CDH12: variants seen among roughly 807,000 people sequenced by gnomAD.
The protein encoded by CDH12 is cadherin-12.
In CDH12, 41 loss-of-function variants were observed where a neutral mutation model predicts 74.1. The observed-to-expected ratio is 0.55, with a 90% CI of 0.43 to 0.72. The LOEUF (loss-of-function observed/expected upper bound fraction) is 0.72. CDH12 is among the 30% of genes least tolerant of loss of function. The pLI, the probability that CDH12 is intolerant of heterozygous loss-of-function variation, is 0.00. For missense variants in CDH12, 945 were observed against 977.2 expected (o/e 0.97, Z 0.44); for synonymous variants, 399 against 355.0 (o/e 1.12, Z -1.39).
At chr5:22,095,531 G>A (rs1393264890) in intron 4 of CDH12, among the ~76,000 whole-genome samples, 1 of 151,900 alleles carries the variant, frequency 6.6e-6, no homozygotes, top group African/African-American at 2.4e-5. Flanking sequence ...TGCTTTTCTG[G>A]GAGGCAAGAA....
At position 21,883,654 on chromosome 5, in the gene CDH12, C is replaced by T; in HGVS notation, c.527-28864G>A. ...GAGGTCATTGTGACCAAAGACGATG[C>T]CATGCTCTTAAAAGGAAAAGGTGAC... On this transcript the variant is annotated intron_variant, in intron 6 of 14. Coordinates refer to ENST00000382254, the MANE Select transcript of CDH12 (RefSeq NM_004061.5). The T allele has an allele frequency of 3.1e-6, 5 of 1,611,794 alleles. 1 individual carries two copies. Among genetic ancestry groups the T allele is most frequent in the South Asian group, 2.2e-5 (2 of 91,016 alleles).
At chr5:21,930,286 G>T (rs1324825432) in intron 6 of CDH12, among the ~76,000 whole-genome samples, 1 of 152,208 alleles carries the variant, frequency 6.6e-6, no homozygotes, top group Non-Finnish European at 1.5e-5. Context: ...ACACATGCCA[G>T]ATTGCAGCAC....
At chr5:22,360,652 C>T (rs1016219841) in intron 3 of CDH12, among the ~76,000 whole-genome samples, 20 of 152,084 alleles carry the variant, frequency 1.3e-4, no homozygotes, top group Non-Finnish European at 2.6e-4. Context: ...GACCAATATC[C>T]CTGATGAACA....
At chr5:22,461,614 G>C (rs1029023068) in intron 2 of CDH12, among the ~76,000 whole-genome samples, 11 of 151,852 alleles carry the variant, frequency 7.2e-5, no homozygotes, top group Admixed American at 4.6e-4. Context: ...GGTTGCCTTT[G>C]TAAAAAAAAT....
chr5:22,751,317 T>A lies in CDH12; in HGVS notation c.-523+101741A>T, dbSNP rs866008433. On this transcript the variant is annotated intron_variant, in intron 1 of 14. Coordinates refer to ENST00000382254, the MANE Select transcript of CDH12 (RefSeq NM_004061.5). ...ATTATCAAAAATAGAATTATTAAACTGTGATATATATATATAATATACATA... is the reference window on the plus strand; with the variant it reads ...ATTATCAAAAATAGAATTATTAAACAGTGATATATATATATAATATACATA... Among the ~76,000 whole-genome samples, 154 of 121,968 alleles carry A rather than the reference T, an allele frequency of 1.3e-3. 1 individual carries two copies. The highest frequency in any genetic ancestry group is 4.7e-3 in the African/African-American group (153 of 32,702). The allele number at this position is 121,968 out of a possible 152,430, so 80.0% of individuals were successfully genotyped here.
intron 1 of CDH12, among the ~76,000 whole-genome samples, chr5:22,510,573 G>A (rs1356359199): frequency 1.3e-5 from 2 of 152,068 alleles, no homozygotes; most frequent in African/African-American, 4.8e-5. Context: ...ACCCTCCTAG[G>A]TATCAAGAGC....
Position 21,751,614 on chromosome 5 carries a change from G to GTGTGTGTGTGTGTGTT in CDH12, c.*122_*123insAACACACACACACACA. 1.7e-6 allele frequency: 1 copy of GTGTGTGTGTGTGTGTT among 576,530 alleles called. No homozygotes were observed. The highest frequency in any genetic ancestry group is 2.8e-6 in the Non-Finnish European group (1 of 354,932). The allele number at this position is 576,530 out of a possible 1,614,324, so 35.7% of individuals were successfully genotyped here. ...TCAAAGGAATCTTGTCCCAGAGTGT[G>GTGTGTGTGTGTGTGTT]TGTGTGTGTGTGTGTGTTTGTGTGT... On this transcript the variant is annotated 3_prime_UTR_variant, in exon 15 of 15. Transcript: ENST00000382254.
At chr5:21,922,609 T>A (rs1754402848) in intron 6 of CDH12, among the ~76,000 whole-genome samples, 2 of 152,072 alleles carry the variant, frequency 1.3e-5, no homozygotes, top group Non-Finnish European at 2.9e-5. Flanking sequence ...TTGAATAATA[T>A]CATCTACAAG....
chr5:22,214,551 T>G (rs1751725461), intron 3 of CDH12, among the ~76,000 whole-genome samples: 1 of 152,212 alleles, frequency 6.6e-6, no homozygotes, highest in African/African-American at 2.4e-5. Context: ...GTGGGATAGA[T>G]TCCAGGGCTC....
At chr5:22,595,942 A>G (rs762785179) in intron 1 of CDH12, among the ~76,000 whole-genome samples, 1 of 148,382 alleles carries the variant, frequency 6.7e-6, no homozygotes, top group East Asian at 2.0e-4. Context: ...AAAAATAAAT[A>G]AAAAAAATTA....
chr5:22,782,019 T>C (rs1209376273), intron 1 of CDH12, among the ~76,000 whole-genome samples: 1 of 152,152 alleles, frequency 6.6e-6, no homozygotes, highest in African/African-American at 2.4e-5. Flanking sequence ...ATGGGAACAT[T>C]CCCCATTACC....
At chr5:22,507,905 T>C (rs1736450520) in intron 1 of CDH12, among the ~76,000 whole-genome samples, 1 of 152,222 alleles carries the variant, frequency 6.6e-6, no homozygotes, top group Admixed American at 6.5e-5. Context: ...TTCTGGTGAC[T>C]GCCATCGTGC....
intron 6 of CDH12, among the ~76,000 whole-genome samples, chr5:21,909,315 C>G (rs1328704314): frequency 6.6e-6 from 1 of 152,104 alleles, no homozygotes; most frequent in Non-Finnish European, 1.5e-5. Flanking sequence ...TTTAATGCCC[C>G]ATAGGACATG....
intron 3 of CDH12, among the ~76,000 whole-genome samples, chr5:22,380,574 T>G (rs900141220): frequency 6.6e-6 from 1 of 152,088 alleles, no homozygotes; most frequent in Non-Finnish European, 1.5e-5. Flanking sequence ...ATAATAGAAT[T>G]AATTATTTTG....
intron 8 of CDH12, among the ~76,000 whole-genome samples, chr5:21,819,739 G>A (rs529695508): frequency 1.1e-4 from 17 of 152,074 alleles, no homozygotes; most frequent in Non-Finnish European, 2.2e-4. Context: ...ACAGAGAGCC[G>A]TCAAGTATAG....
intron 1 of CDH12, among the ~76,000 whole-genome samples, chr5:22,841,771 A>G (rs1737093119): frequency 6.6e-6 from 1 of 152,190 alleles, no homozygotes; most frequent in African/African-American, 2.4e-5. Context: ...TAACTGAGTC[A>G]AATAAACATT....
At chr5:22,162,982 C>T (rs1346705278) in intron 4 of CDH12, among the ~76,000 whole-genome samples, 2 of 151,422 alleles carry the variant, frequency 1.3e-5, no homozygotes, top group East Asian at 1.9e-4. Flanking sequence ...CTGCAAGCTC[C>T]GCCTCCCAGG....
chr5:22,138,862 A>ATT (rs1561151358), intron 4 of CDH12, among the ~76,000 whole-genome samples: 1 of 134,874 alleles, frequency 7.4e-6, no homozygotes, highest in East Asian at 2.1e-4. Flanking sequence ...ATATATATAT[A>ATT]TATATATATA....
Position 22,493,486 on chromosome 5 carries a change from T to TA in CDH12, c.-428+11783_-428+11784insT, listed in dbSNP as rs1400434711. Among the ~76,000 whole-genome samples the TA allele has an allele frequency of 3.2e-3, 486 of 152,328 alleles. 2 individuals carry two copies. Among genetic ancestry groups the TA allele is most frequent in the African/African-American group, 0.011 (460 of 41,578 alleles). On this transcript the variant is annotated intron_variant, in intron 2 of 14. Coordinates refer to ENST00000382254, the MANE Select transcript of CDH12 (RefSeq NM_004061.5). ...TAAATTTAATGCATGCATAGATACATGCTACGCACTCTACTTGGTACTGAA... is the reference window on the plus strand; with the variant it reads ...TAAATTTAATGCATGCATAGATACATAGCTACGCACTCTACTTGGTACTGAA...
Sources: allele counts gnomAD v4.1 joint callset (sites outside exome capture counted in the v4.1 genomes callset), GRCh38; gene constraint gnomAD v4.1.1; transcripts MANE v1.5; gene names NCBI Gene and HGNC (gene_info 2026-07-23, HGNC 2026-07-21).